FHIT: variants seen among roughly 807,000 people sequenced by gnomAD.
FHIT encodes bis(5'-adenosyl)-triphosphatase.
Under a neutral mutation model 17.9 loss-of-function variants are expected in FHIT, and 19 were observed. The observed-to-expected ratio is 1.06, with a 90% CI of 0.74 to 1.56. The LOEUF (loss-of-function observed/expected upper bound fraction) is 1.56, where lower values mean the gene tolerates loss of function less well. FHIT is among the 40% of genes most tolerant of loss of function. The pLI is 0.00. For synonymous variants in FHIT, 81 were observed against 69.7 expected (o/e 1.16, Z -0.81); for missense variants, 248 against 189.2 (o/e 1.31, Z -1.82).
chr3:60,114,282 G>T (rs143155644), intron 5 of FHIT, among the ~76,000 whole-genome samples: 1,532 of 149,706 alleles, frequency 0.01, 31 homozygotes, highest in African/African-American at 0.035. Flanking sequence ...GCAGGGCTGC[G>T]ACTAGAATTT....
intron 4 of FHIT, among the ~76,000 whole-genome samples, chr3:60,658,209 T>C (rs2040161470): frequency 6.6e-6 from 1 of 152,184 alleles, no homozygotes; most frequent in Non-Finnish European, 1.5e-5. Flanking sequence ...CGTGACTGTC[T>C]TATTTCACTT....
chr3:61,003,603 T>A (rs1049933608), intron 3 of FHIT, among the ~76,000 whole-genome samples: 1 of 152,216 alleles, frequency 6.6e-6, no homozygotes, highest in Non-Finnish European at 1.5e-5. Flanking sequence ...AATTAAAAGG[T>A]AAAACACGAT....
chr3:60,963,023 C>G lies in FHIT; in HGVS notation c.-111+79024G>C, dbSNP rs369715262. Among the ~76,000 whole-genome samples the G allele has an allele frequency of 4.6e-5, 7 of 152,240 alleles. No homozygotes were observed. The East Asian group carries it at 7.7e-4, about 17-fold the overall frequency. On this transcript the variant is annotated intron_variant, in intron 3 of 9. Coordinates refer to ENST00000492590, the MANE Select transcript of FHIT (RefSeq NM_002012.4). Reference sequence around the variant, plus strand: ...GGAATGGTACCCGCTCCTCTTTGTACCTCCGGTAGAATTCGGCTGTGAATC... The same window carrying G: ...GGAATGGTACCCGCTCCTCTTTGTAGCTCCGGTAGAATTCGGCTGTGAATC...
rs575668292 is a variant in FHIT at position 60,316,660 on chromosome 3, T to C, written c.103+220200A>G. On this transcript the variant is annotated intron_variant, in intron 5 of 9. Transcript: ENST00000492590. ...CAAATTTGAATGAAATCCAGAATGT[T>C]ACAACTGCCACAGGCTCACTCAAAA... is the stretch of plus-strand genomic sequence containing the variant. Among the ~76,000 whole-genome samples the C allele has an allele frequency of 9.8e-5, 15 of 152,340 alleles. No individual in the cohort carries two copies. In the South Asian group the frequency reaches 2.7e-3, roughly 27 times the overall value.
intron 5 of FHIT, among the ~76,000 whole-genome samples, chr3:60,237,111 A>G (rs755550093): frequency 2.0e-5 from 3 of 152,172 alleles, no homozygotes; most frequent in Admixed American, 1.3e-4. Flanking sequence ...TACAAATCCT[A>G]GATCATATTT....
intron 8 of FHIT, among the ~76,000 whole-genome samples, chr3:59,911,123 GTGT>G (rs1160419356): frequency 6.6e-6 from 1 of 152,132 alleles, no homozygotes; most frequent in African/African-American, 2.4e-5. Context: ...TTTGTGTACA[GTGT>G]TATATCATTA....
chr3:60,835,397 T>C (rs1347178293), intron 3 of FHIT, among the ~76,000 whole-genome samples: 1 of 152,178 alleles, frequency 6.6e-6, no homozygotes, highest in Non-Finnish European at 1.5e-5. Flanking sequence ...TTAAAATTTA[T>C]TTCATCAACA....
chr3:60,164,453 T>C (rs1324341151), intron 5 of FHIT, among the ~76,000 whole-genome samples: 1 of 152,184 alleles, frequency 6.6e-6, no homozygotes, highest in African/African-American at 2.4e-5. Flanking sequence ...AGCTGCACCA[T>C]CCCACGTTTC....
At chr3:60,953,596 A>G (rs968620373) in intron 3 of FHIT, among the ~76,000 whole-genome samples, 6 of 152,174 alleles carry the variant, frequency 3.9e-5, no homozygotes, top group African/African-American at 1.4e-4. Context: ...GTGGTCTATC[A>G]GCTAAATTTA....
chr3:60,728,660 A>C (rs782795817), intron 4 of FHIT, among the ~76,000 whole-genome samples: 1 of 151,324 alleles, frequency 6.6e-6, no homozygotes, highest in Non-Finnish European at 1.5e-5. Flanking sequence ...CCAATTTAAA[A>C]TTTACATCTT....
chr3:60,860,398 T>TAC (rs1559778850), intron 3 of FHIT, among the ~76,000 whole-genome samples: 4,900 of 139,390 alleles, frequency 0.035, 942 homozygotes, highest in Non-Finnish European at 0.045. Flanking sequence ...ATCATATGTA[T>TAC]ATATGACATA....
intron 5 of FHIT, among the ~76,000 whole-genome samples, chr3:60,529,823 A>G (rs374920816): frequency 6.6e-6 from 1 of 152,356 alleles, no homozygotes; most frequent in African/African-American, 2.4e-5. Context: ...GTCTAGATAC[A>G]TATAATTATC....
chr3:60,221,259 G>C (rs896675612), intron 5 of FHIT, among the ~76,000 whole-genome samples: 2 of 152,070 alleles, frequency 1.3e-5, no homozygotes, highest in African/African-American at 4.8e-5. Context: ...AGATAGTTCT[G>C]TTTTCAGAAC....
At chr3:60,703,996 T>A (rs1735459) in intron 4 of FHIT, among the ~76,000 whole-genome samples, 12,735 of 151,838 alleles carry the variant, frequency 0.084, 580 homozygotes, top group Admixed American at 0.12. Flanking sequence ...AATTTTTTTT[T>A]AAAAAAAATC....
intron 5 of FHIT, among the ~76,000 whole-genome samples, chr3:60,467,476 T>G (rs1286395521): frequency 1.3e-5 from 2 of 152,050 alleles, no homozygotes; most frequent in Non-Finnish European, 2.9e-5. Flanking sequence ...AACTTTCCTC[T>G]GAATACTGCT....
chr3:59,933,408 T>C (rs1032513413), intron 7 of FHIT, among the ~76,000 whole-genome samples: 1 of 152,220 alleles, frequency 6.6e-6, no homozygotes, highest in Non-Finnish European at 1.5e-5. Flanking sequence ...TATGTTGGAA[T>C]GGTACTTAGT....
intron 2 of FHIT, among the ~76,000 whole-genome samples, chr3:61,154,657 G>C (rs547813653): frequency 2.6e-4 from 40 of 152,064 alleles, no homozygotes; most frequent in Non-Finnish European, 4.7e-4. Context: ...CATTGCTTTC[G>C]GCCATCTGAT....
At chr3:60,253,294 G>A (rs1026905030) in intron 5 of FHIT, among the ~76,000 whole-genome samples, 19 of 152,168 alleles carry the variant, frequency 1.2e-4, no homozygotes, top group East Asian at 5.8e-4. Context: ...ATTCTGAATC[G>A]ACATTGTAAA....
In FHIT at chr3:60,958,266, C is replaced by T. The variant is rs148202509; in HGVS notation, c.-111+83781G>A. On this transcript the variant is annotated intron_variant, in intron 3 of 9. Coordinates refer to ENST00000492590, the MANE Select transcript of FHIT (RefSeq NM_002012.4). ...AATATACCTGGTATAGAATAAGGCA[C>T]GGTAAAATTCTCTACCTAGACATAA... Among the ~76,000 whole-genome samples, 748 of 152,148 alleles carry T rather than the reference C, an allele frequency of 4.9e-3. 10 individuals carry two copies. The highest frequency in any genetic ancestry group is 0.015 in the African/African-American group (633 of 41,512).
Sources: allele counts gnomAD v4.1 joint callset (sites outside exome capture counted in the v4.1 genomes callset), GRCh38; gene constraint gnomAD v4.1.1; transcripts MANE v1.5; gene names NCBI Gene and HGNC (gene_info 2026-07-23, HGNC 2026-07-21).